The following NT5DC1 variants were observed in gnomAD, a reference collection of about 807,000 sequenced individuals.
NT5DC1 encodes 5'-nucleotidase domain-containing protein 1.
In NT5DC1, 42 loss-of-function variants were observed where a neutral mutation model predicts 59.4. The ratio of observed to expected loss-of-function variants is 0.71; its 90% CI spans 0.55 to 0.92. The LOEUF (loss-of-function observed/expected upper bound fraction) is 0.92. Among genes scored for constraint, NT5DC1 ranks in the 40% least tolerant of loss-of-function variants. The pLI is 0.00. For synonymous variants in NT5DC1, 172 were observed against 188.1 expected (o/e 0.91, Z 0.70); for missense variants, 501 against 537.1 (o/e 0.93, Z 0.66).
At chr6:116,148,861 G>C (rs946319708) in intron 6 of NT5DC1, among the ~76,000 whole-genome samples, 1 of 152,040 alleles carries the variant, frequency 6.6e-6, no homozygotes, top group Admixed American at 6.6e-5. Context: ...GGAAAATAAG[G>C]GTCTAGCCAA....
At chr6:116,198,553 GAC>G (rs1376924602) in intron 6 of NT5DC1, among the ~76,000 whole-genome samples, 2 of 151,690 alleles carry the variant, frequency 1.3e-5, no homozygotes, top group African/African-American at 4.8e-5. Flanking sequence ...AGCATAATGA[GAC>G]CTCATCCCTA....
chr6:116,243,847 G>C (rs1771785087), intron 11 of NT5DC1, 62 bp from the exon 12 acceptor site: 2 of 644,338 alleles, frequency 3.1e-6, no homozygotes, highest in South Asian at 2.1e-5. Flanking sequence ...ATCAAGTTTT[G>C]ATTTGTTTAT....
chr6:116,125,782 A>G, intron 6 of NT5DC1: 1 of 298,644 alleles, frequency 3.3e-6, no homozygotes, highest in Admixed American at 4.8e-5. Context: ...GTCTGTATTA[A>G]ATAATCTAGG....
intron 6 of NT5DC1, among the ~76,000 whole-genome samples, chr6:116,150,168 G>A (rs1404984811): frequency 2.0e-5 from 3 of 152,192 alleles, no homozygotes; most frequent in Non-Finnish European, 4.4e-5. Flanking sequence ...ACAGAAGAGT[G>A]ACCAATTAGA....
chr6:116,245,373 C>T lies in NT5DC1; in HGVS notation c.*1349C>T, dbSNP rs1240530757. 6.6e-6 allele frequency: 1 copy of T among 152,218 alleles called. No homozygotes were observed. The highest frequency in any genetic ancestry group is 2.4e-5 in the African/African-American group (1 of 41,310). 9.4% of individuals were successfully genotyped at this position (152,218 alleles called of 1,614,324 possible). On this transcript the variant is annotated 3_prime_UTR_variant, in exon 12 of 12. Transcript: ENST00000319550. ...GCAGAATTTGGCATATCGATGCATGCAATGGAAAGAAAAAAAATTTGTTAA... is the reference window on the plus strand; with the variant it reads ...GCAGAATTTGGCATATCGATGCATGTAATGGAAAGAAAAAAAATTTGTTAA...
chr6:116,134,121 G>A (rs1049691499), intron 6 of NT5DC1, among the ~76,000 whole-genome samples: 6 of 152,326 alleles, frequency 3.9e-5, no homozygotes, highest in African/African-American at 1.4e-4. Flanking sequence ...GCAAAACAGT[G>A]CTTGGGAATG....
intron 1 of NT5DC1, 57 bp downstream of exon 1, chr6:116,101,080 T>C: frequency 3.8e-6 from 5 of 1,317,468 alleles, no homozygotes; most frequent in Non-Finnish European, 4.2e-6. Context: ...GGCTGGGGCT[T>C]GAGTTTCCTC....
At chr6:116,117,765 T>A (rs1778995384) in intron 5 of NT5DC1, 96 bp from the exon 6 acceptor site, 1 of 679,496 alleles carries the variant, frequency 1.5e-6, no homozygotes, top group Non-Finnish European at 2.6e-6. Context: ...CCATCTTAAG[T>A]CAGGGACTGT....
At chr6:116,172,278 T>C (rs1780626108) in intron 6 of NT5DC1, among the ~76,000 whole-genome samples, 1 of 151,886 alleles carries the variant, frequency 6.6e-6, no homozygotes, top group Non-Finnish European at 1.5e-5. Context: ...TTATTAAAGA[T>C]TGGATTGTCA....
rs1771904617 is a variant in NT5DC1, at chr6:116,249,280, TTAAG to T, written c.*5258_*5261del. Reference sequence around the variant, plus strand: ...GCATCTATTTTAACTGTATGTTTAATTAAGTTTCTAACTCAAATGAGAAATTTTG... The same window carrying T: ...GCATCTATTTTAACTGTATGTTTAATTTTCTAACTCAAATGAGAAATTTTG... On this transcript the variant is annotated 3_prime_UTR_variant, in exon 12 of 12. Transcript: ENST00000319550. 1 of 151,602 alleles carries T rather than the reference TTAAG, an allele frequency of 6.6e-6. No homozygotes were observed. The highest frequency in any genetic ancestry group is 6.5e-5 in the Admixed American group (1 of 15,282). The allele number at this position is 151,602 out of a possible 1,614,324, so 9.4% of individuals were successfully genotyped here.
intron 6 of NT5DC1, chr6:116,125,696 G>A: frequency 6.3e-6 from 3 of 473,022 alleles, no homozygotes; most frequent in Middle Eastern, 6.1e-4. Flanking sequence ...AGTTATTTTT[G>A]GAAGCTATAC....
chr6:116,105,963 T>C (rs756451258), intron 1 of NT5DC1, among the ~76,000 whole-genome samples: 19 of 152,240 alleles, frequency 1.2e-4, no homozygotes, highest in Non-Finnish European at 2.1e-4. Flanking sequence ...TCTTAAATTA[T>C]GATCTCCAAC....
intron 11 of NT5DC1, among the ~76,000 whole-genome samples, chr6:116,241,556 A>C (rs1771714320): frequency 6.6e-6 from 1 of 152,254 alleles, no homozygotes; most frequent in Admixed American, 6.5e-5. Flanking sequence ...TTGTGATGAT[A>C]TACATATACC....
intron 6 of NT5DC1, among the ~76,000 whole-genome samples, chr6:116,203,074 T>C (rs2114513000): frequency 6.6e-6 from 1 of 152,102 alleles, no homozygotes; most frequent in Middle Eastern, 3.4e-3. Flanking sequence ...ATTTTTATGG[T>C]AGGACACAGG....
At chr6:116,201,553 TG>T (rs1461113676) in intron 6 of NT5DC1, among the ~76,000 whole-genome samples, 2 of 152,004 alleles carry the variant, frequency 1.3e-5, no homozygotes, top group Non-Finnish European at 2.9e-5. Context: ...GGTGAGCATT[TG>T]CCAGAGTCAG....
intron 6 of NT5DC1, among the ~76,000 whole-genome samples, chr6:116,154,803 ACT>A (rs1247181052): frequency 6.6e-6 from 1 of 152,140 alleles, no homozygotes; most frequent in Non-Finnish European, 1.5e-5. Context: ...AGGATTAATA[ACT>A]CTTAGCAGAG....
intron 6 of NT5DC1, among the ~76,000 whole-genome samples, chr6:116,157,380 G>A (rs1369792595): frequency 6.6e-6 from 1 of 152,168 alleles, no homozygotes; most frequent in Non-Finnish European, 1.5e-5. Context: ...ACAGTCTTTG[G>A]CCACTGCTAT....
chr6:116,181,932 T>C (rs1049706384), intron 6 of NT5DC1, among the ~76,000 whole-genome samples: 9 of 152,102 alleles, frequency 5.9e-5, no homozygotes, highest in Non-Finnish European at 1.0e-4. Context: ...ATGAATAAGT[T>C]CTTTGGTGGT....
In NT5DC1 at chr6:116,163,141, A is replaced by AAAAAAATAT. The variant is rs761718922; in HGVS notation, c.529+45197_529+45198insAAAAATATA. Among the ~76,000 whole-genome samples the AAAAAAATAT allele has an allele frequency of 3.9e-3, 342 of 88,360 alleles. 3 individuals are homozygous for AAAAAAATAT. The highest frequency in any genetic ancestry group is 0.022 in the Middle Eastern group (3 of 138). The allele number at this position is 88,360 out of a possible 152,430, so 58.0% of individuals were successfully genotyped here. A position where few individuals can be genotyped will look rare whatever the true frequency, so the allele number is the denominator to read the frequency against. On this transcript the variant is annotated intron_variant, in intron 6 of 11. Coordinates refer to ENST00000319550, the MANE Select transcript of NT5DC1 (RefSeq NM_152729.3). ...GACTCCGTCTCAAAAAAAAAAAAAAAATATATATATATATATATATATTAG... is the reference window on the plus strand; with the variant it reads ...GACTCCGTCTCAAAAAAAAAAAAAAAAAAAAATATATATATATATATATATATATATTAG...
Sources: gnomAD v4.1 joint callset for allele counts (sites outside exome capture counted in the v4.1 genomes callset) on GRCh38, gnomAD v4.1.1 for gene constraint, MANE v1.5 for transcripts, NCBI Gene and HGNC (gene_info 2026-07-23, HGNC 2026-07-21) for gene names.